The following NEBL variants were observed in gnomAD, a reference collection of about 807,000 sequenced individuals.
The protein encoded by NEBL is nebulette, also known as LIM and SH3 protein 2.
A neutral mutation model predicts 140.2 loss-of-function variants in NEBL; 122 were observed. The ratio of observed to expected loss-of-function variants is 0.87; its 90% confidence interval spans 0.75 to 1.01. The LOEUF (loss-of-function observed/expected upper bound fraction) is 1.01. Ranked by LOEUF, NEBL falls within the 50% of genes least tolerant of loss-of-function variation. The pLI is 0.00. For synonymous variants in NEBL, 436 were observed against 398.9 expected, an observed-to-expected ratio of 1.09 and a Z score of -1.11; for missense variants, 1,365 against 1,231.3, an observed-to-expected ratio of 1.11 and a Z score of -1.62.
At chr10:20,795,862 T>C (rs1836456973) in intron 26 of NEBL, among the ~76,000 whole-genome samples, 1 of 152,174 alleles carries the variant, frequency 6.6e-6, no homozygotes, top group Admixed American at 6.5e-5. Context: ...TAGTTGAAAA[T>C]ACAATTAATT....
chr10:21,211,523 T>G (rs1003529713), intron 3 of NEBL, among the ~76,000 whole-genome samples: 24 of 151,976 alleles, frequency 1.6e-4, no homozygotes, highest in Non-Finnish European at 2.9e-5. Context: ...GTTTTTTTTC[T>G]CCTGAGTTAG....
intron 3 of NEBL, among the ~76,000 whole-genome samples, chr10:21,191,684 C>T (rs1564540175): frequency 6.6e-6 from 1 of 152,204 alleles, no homozygotes; most frequent in African/African-American, 2.4e-5. Flanking sequence ...CGCCCAAAGG[C>T]TTTAACAATA....
At chr10:20,953,492 T>C (rs1046984438) in intron 4 of NEBL, among the ~76,000 whole-genome samples, 6 of 147,156 alleles carry the variant, frequency 4.1e-5, no homozygotes, top group African/African-American at 1.5e-4. Context: ...CTGAGCAGAC[T>C]AAGACAAGCC....
upstream of NEBL, among the ~76,000 whole-genome samples, chr10:20,897,873 G>A (rs1307082060): frequency 1.3e-5 from 2 of 152,174 alleles, no homozygotes; most frequent in African/African-American, 2.4e-5. Flanking sequence ...AGTTAATTAT[G>A]ACTGTTAGTA....
chr10:21,120,422 A>ATATATATATATT lies in NEBL; in HGVS notation c.164+51960_164+51961insAATATATATATA, dbSNP rs1191813457. On this transcript the variant is annotated intron_variant, in intron 2 of 6. Coordinates refer to the NEBL transcript ENST00000417816. ...TATATATATATATATATATATATAT[A>ATATATATATATT]TAAATTTGATCACTGGTTTAAAGTA... Among the ~76,000 whole-genome samples the ATATATATATATT allele has an allele frequency of 9.8e-3, 836 of 85,604 alleles. 6 individuals are homozygous for ATATATATATATT. Among genetic ancestry groups the ATATATATATATT allele is most frequent in the East Asian group, 0.018 (26 of 1,432 alleles). The allele number at this position is 85,604 out of a possible 152,430, so 56.2% of individuals were successfully genotyped here.
chr10:21,132,113 A>T (rs1839139560), intron 2 of NEBL, among the ~76,000 whole-genome samples: 1 of 152,192 alleles, frequency 6.6e-6, no homozygotes, highest in Non-Finnish European at 1.5e-5. Context: ...AAAGAAACTC[A>T]GTACTCATTA....
chr10:20,901,026 T>A (rs12776873), upstream of NEBL, among the ~76,000 whole-genome samples: 2 of 151,660 alleles, frequency 1.3e-5, no homozygotes, highest in African/African-American at 4.9e-5. Context: ...TTAAAAAAAA[T>A]AAAAAGAAAA....
intron 2 of NEBL, among the ~76,000 whole-genome samples, chr10:21,142,413 T>C (rs962051977): frequency 1.4e-4 from 21 of 152,004 alleles, no homozygotes; most frequent in African/African-American, 4.8e-4. Flanking sequence ...ACTCAGTCCA[T>C]GGCAAAACTA....
intron 1 of NEBL, among the ~76,000 whole-genome samples, chr10:21,268,987 CT>C (rs1842830382): frequency 6.6e-6 from 1 of 152,160 alleles, no homozygotes; most frequent in African/African-American, 2.4e-5. Flanking sequence ...AGCTTAGGTA[CT>C]TTAATCATAA....
At chr10:20,801,345 T>C (rs1021667082) in intron 26 of NEBL, among the ~76,000 whole-genome samples, 4 of 152,062 alleles carry the variant, frequency 2.6e-5, no homozygotes, top group African/African-American at 9.7e-5. Context: ...CCTGAGTAGC[T>C]GGGATTACAA....
intron 4 of NEBL, among the ~76,000 whole-genome samples, chr10:20,883,410 G>A (rs1846197878): frequency 1.3e-5 from 2 of 152,158 alleles, no homozygotes; most frequent in Non-Finnish European, 2.9e-5. Flanking sequence ...TCCCTCTGGT[G>A]ACTGTATCTT....
intron 4 of NEBL, among the ~76,000 whole-genome samples, chr10:20,952,001 G>A (rs541616391): frequency 1.1e-4 from 16 of 152,174 alleles, no homozygotes; most frequent in Admixed American, 2.6e-4. Context: ...CTGCTAGCAC[G>A]GGACATGTGA....
At chr10:21,000,106 C>T (rs764556660) in intron 3 of NEBL, among the ~76,000 whole-genome samples, 2 of 149,466 alleles carry the variant, frequency 1.3e-5, no homozygotes, top group Admixed American at 1.3e-4. Flanking sequence ...TCACCATCTT[C>T]GGTGAATCTA....
intron 3 of NEBL, among the ~76,000 whole-genome samples, chr10:21,007,735 C>A (rs920489096): frequency 6.6e-6 from 1 of 152,130 alleles, no homozygotes; most frequent in Non-Finnish European, 1.5e-5. Flanking sequence ...CAGAGAAAGA[C>A]CCACTAAAAC....
intron 4 of NEBL, among the ~76,000 whole-genome samples, chr10:20,954,324 T>G (rs1218052369): frequency 6.6e-6 from 1 of 152,172 alleles, no homozygotes; most frequent in Non-Finnish European, 1.5e-5. Context: ...ACACAAATGG[T>G]CGATACATTT....
At position 20,831,493 on chromosome 10, in the gene NEBL, C is replaced by A. The variant is rs781572930; in HGVS notation, c.1540G>T (p.Ala514Ser). The A allele has an allele frequency of 1.1e-5, 17 of 1,611,108 alleles. 1 individual carries two copies. The African/African-American group carries it at 2.3e-4, about 22-fold the overall frequency. Reference sequence around the variant, plus strand: ...CTTACCTGGCTGGCCATCTCGGATGCTTTCTTAGCTCTCTGGACATCAAGA... The same window carrying A: ...CTTACCTGGCTGGCCATCTCGGATGATTTCTTAGCTCTCTGGACATCAAGA... ...DTLDVQRAKK[A>S]SEMASQKQYK... Residue 514 changes from alanine to serine, a missense_variant, in exon 15 of 28, where the codon GCA becomes TCA. Ala to Ser is a moderately conservative substitution (Grantham distance 99, BLOSUM62 1). This residue lies in a region of NEBL where 1,323 missense variants were observed against 1,154.8 expected (regional missense o/e 1.15). Transcript: ENST00000377122.
chr10:20,850,350 C>T (rs1842384200), intron 11 of NEBL, 45 bp downstream of exon 11: 2 of 1,414,690 alleles, frequency 1.4e-6, no homozygotes, highest in Non-Finnish European at 2.0e-6. Context: ...AATGACAAAA[C>T]ATCAAATTTA....
At chr10:21,023,320 C>A (rs1166659060) in intron 2 of NEBL, among the ~76,000 whole-genome samples, 1 of 152,170 alleles carries the variant, frequency 6.6e-6, no homozygotes, top group African/African-American at 2.4e-5. Flanking sequence ...GTTGAGAGAT[C>A]CCCTTCATAC....
chr10:21,195,625 T>C (rs1009889710), intron 3 of NEBL, among the ~76,000 whole-genome samples: 2 of 152,200 alleles, frequency 1.3e-5, no homozygotes, highest in African/African-American at 4.8e-5. Context: ...AACAAACTCA[T>C]CTTCACTGTT....
Sources: gnomAD v4.1 joint callset for allele counts (sites outside exome capture counted in the v4.1 genomes callset) on GRCh38, gnomAD v4.1.1 for gene constraint, gnomAD v4.1.1 regional missense constraint, MANE v1.5 for transcripts, NCBI Gene and HGNC (gene_info 2026-07-23, HGNC 2026-07-21) for gene names.